The following MAPKAPK5 variants were observed in gnomAD, a reference collection of about 807,000 sequenced individuals.
The protein encoded by MAPKAPK5 is MAPK activated protein kinase 5.
A neutral mutation model predicts 65.1 loss-of-function variants in MAPKAPK5; 30 were observed. The ratio of observed to expected loss-of-function variants is 0.46; its 90% CI spans 0.34 to 0.63. The LOEUF (loss-of-function observed/expected upper bound fraction) is 0.63. MAPKAPK5 is among the 20% of genes least tolerant of loss of function. The pLI is 0.01. For synonymous variants in MAPKAPK5, 179 were observed against 204.6 expected, an observed-to-expected ratio of 0.87 and a Z score of 1.07; for missense variants, 433 against 581.4, an observed-to-expected ratio of 0.74 and a Z score of 2.63.
chr12:111,900,277 G>A lies in MAPKAPK5; in HGVS notation c.*7216G>A, dbSNP rs1173187057. 1 of 456,104 alleles carries A rather than the reference G, an allele frequency of 2.2e-6. No individual in the cohort carries two copies. Among genetic ancestry groups the A allele is most frequent in the East Asian group, 6.9e-5 (1 of 14,398 alleles). 28.3% of individuals were successfully genotyped at this position (456,104 alleles called of 1,614,324 possible). Reference sequence around the variant, plus strand: ...CAGAATATGGGCCAGGCCTTTCTCAGTGGTGCCTGCTCAAGCGGTTTTGCG... The same window carrying A: ...CAGAATATGGGCCAGGCCTTTCTCAATGGTGCCTGCTCAAGCGGTTTTGCG... On this transcript the variant is annotated 3_prime_UTR_variant, in exon 14 of 14. Coordinates refer to ENST00000550735, the MANE Select transcript of MAPKAPK5 (RefSeq NM_003668.4).
chr12:111,847,545 G>A (rs1305417136), intron 1 of MAPKAPK5, among the ~76,000 whole-genome samples: 3 of 152,082 alleles, frequency 2.0e-5, no homozygotes, highest in South Asian at 4.2e-4. Flanking sequence ...TATGTATAGC[G>A]AGTCGTTAAT....
chr12:111,887,814 TACACACACACACACACACACAC>T (rs58382752), intron 10 of MAPKAPK5: 1 of 144,984 alleles, frequency 6.9e-6, no homozygotes, highest in African/African-American at 2.6e-5. Flanking sequence ...TTTTCTGGGA[TACACACACACACACACACACAC>T]ACACACACAC....
intron 1 of MAPKAPK5, among the ~76,000 whole-genome samples, chr12:111,861,293 C>T (rs2069427889): frequency 6.6e-6 from 1 of 151,840 alleles, no homozygotes; most frequent in Admixed American, 6.6e-5. Flanking sequence ...TTAGAATCCC[C>T]TTTGTGTCAG....
At chr12:111,874,369 T>A (rs1376706675) in intron 7 of MAPKAPK5, among the ~76,000 whole-genome samples, 2 of 151,104 alleles carry the variant, frequency 1.3e-5, no homozygotes, top group Non-Finnish European at 2.9e-5. Flanking sequence ...CACTCCAGCC[T>A]GGGTGACTAG....
At chr12:111,851,206 CT>C (rs1224825445) in intron 1 of MAPKAPK5, among the ~76,000 whole-genome samples, 1 of 151,272 alleles carries the variant, frequency 6.6e-6, no homozygotes, top group African/African-American at 2.4e-5. Context: ...CCAGGACTGC[CT>C]TTTAAAGTTT....
intron 1 of MAPKAPK5, among the ~76,000 whole-genome samples, chr12:111,856,022 A>AT (rs2069228644): frequency 6.6e-6 from 1 of 151,160 alleles, no homozygotes; most frequent in Non-Finnish European, 1.5e-5. Context: ...TGCCTGGCTA[A>AT]TTTTGTACTT....
At position 111,895,240 on chromosome 12, in the gene MAPKAPK5, A is replaced by G; in HGVS notation, c.*2179A>G. On this transcript the variant is annotated 3_prime_UTR_variant, in exon 14 of 14. Coordinates refer to ENST00000550735, the MANE Select transcript of MAPKAPK5 (RefSeq NM_003668.4). ...GCCTCCTGAGTAGCTGGGACTATAC[A>G]GGTGCCCGCCACCGCGCCCGGCTAA... 6.6e-6 allele frequency: 1 copy of G among 151,084 alleles called. No homozygotes were observed. Among genetic ancestry groups the G allele is most frequent in the Non-Finnish European group, 1.5e-5 (1 of 67,860 alleles). The allele number at this position is 151,084 out of a possible 1,614,324, so 9.4% of individuals were successfully genotyped here.
chr12:111,861,813 A>G (rs2069447691), intron 1 of MAPKAPK5, among the ~76,000 whole-genome samples: 1 of 152,202 alleles, frequency 6.6e-6, no homozygotes, highest in African/African-American at 2.4e-5. Flanking sequence ...TTGTAGTGTG[A>G]AAGCAGCCAA....
rs770610477 is a variant in MAPKAPK5, at chr12:111,880,434, T to C, written c.580-13T>C. On this transcript the variant is annotated splice_polypyrimidine_tract_variant and intron_variant, in intron 7 of 13. Coordinates refer to ENST00000550735, the MANE Select transcript of MAPKAPK5 (RefSeq NM_003668.4). The stretch of plus-strand genomic sequence containing the variant: ...TTTCATTAAATGGTCCCCTTTGGTC[T>C]GACTCTTGACAGGTACTGGAGGCGC... 6 of 1,612,322 alleles carry C rather than the reference T, an allele frequency of 3.7e-6. No homozygotes were observed. Among genetic ancestry groups the C allele is most frequent in the Admixed American group, 1.7e-5 (1 of 60,014 alleles).
chr12:111,864,627 G>A (rs2136102888), intron 1 of MAPKAPK5, among the ~76,000 whole-genome samples: 1 of 152,302 alleles, frequency 6.6e-6, no homozygotes, highest in South Asian at 2.1e-4. Context: ...TCATTAAACT[G>A]TAGAGGCTCT....
chr12:111,868,544 AAGAATGGT>A (rs1329900415), intron 4 of MAPKAPK5, among the ~76,000 whole-genome samples: 1 of 152,206 alleles, frequency 6.6e-6, no homozygotes, highest in Non-Finnish European at 1.5e-5. Context: ...GCATATATGA[AAGAATGGT>A]AGCCAAAAAT....
Position 111,895,017 on chromosome 12 carries a change from T to C in MAPKAPK5, c.*1956T>C, listed in dbSNP as rs2070748220. On this transcript the variant is annotated 3_prime_UTR_variant, in exon 14 of 14. Coordinates refer to ENST00000550735, the MANE Select transcript of MAPKAPK5 (RefSeq NM_003668.4). ...AGGGTGACATTTGGTTAGTATGCCC[T>C]GTATGTGTGTGACTGCCTGTGGGAA... 6.6e-6 allele frequency: 1 copy of C among 151,946 alleles called. No individual in the cohort carries two copies. The highest frequency in any genetic ancestry group is 2.1e-4 in the South Asian group (1 of 4,820). The allele number at this position is 151,946 out of a possible 1,614,324, so 9.4% of individuals were successfully genotyped here. A position where few individuals can be genotyped will look rare whatever the true frequency, so the allele number is the denominator to read the frequency against.
chr12:111,894,581 A>G lies in MAPKAPK5; in HGVS notation c.*1520A>G, dbSNP rs2070731906. 6.6e-6 allele frequency: 1 copy of G among 151,260 alleles called. No individual in the cohort carries two copies. The highest frequency in any genetic ancestry group is 2.1e-4 in the South Asian group (1 of 4,766). The allele number at this position is 151,260 out of a possible 1,614,324, so 9.4% of individuals were successfully genotyped here. A position where few individuals can be genotyped will look rare whatever the true frequency, so the allele number is the denominator to read the frequency against. ...TTATAAGGCTGCCCTGTTTCTCTGT[A>G]ATATGTCTGTCTGGGTTTTGTGTTG... On this transcript the variant is annotated 3_prime_UTR_variant, in exon 14 of 14. Coordinates refer to ENST00000550735, the MANE Select transcript of MAPKAPK5 (RefSeq NM_003668.4).
In MAPKAPK5 at chr12:111,900,574, G is replaced by A; in HGVS notation, c.*7513G>A. ...GGCCGCAAGCGTAGGGATTCTGCCT[G>A]TGGAAATGGTGTGGTGGAGGACACG... On this transcript the variant is annotated 3_prime_UTR_variant, in exon 14 of 14. Transcript: ENST00000550735. 2.2e-6 allele frequency: 1 copy of A among 456,164 alleles called. No homozygotes were observed. Among genetic ancestry groups the A allele is most frequent in the South Asian group, 1.5e-5 (1 of 64,560 alleles). The allele number at this position is 456,164 out of a possible 1,614,324, so 28.3% of individuals were successfully genotyped here. A position where few individuals can be genotyped will look rare whatever the true frequency, so the allele number is the denominator to read the frequency against.
chr12:111,858,025 A>G (rs2069302751), intron 1 of MAPKAPK5, among the ~76,000 whole-genome samples: 2 of 151,990 alleles, frequency 1.3e-5, no homozygotes, highest in African/African-American at 2.4e-5. Context: ...CAGCCTACCC[A>G]GTAGCTGGGA....
chr12:111,885,785 C>G, intron 9 of MAPKAPK5, 131 bp from the exon 10 acceptor site: 2 of 1,123,300 alleles, frequency 1.8e-6, no homozygotes, highest in East Asian at 5.1e-5. Flanking sequence ...CCCATCTGTG[C>G]TCTGCAGGTG....
chr12:111,870,245 G>A (rs369790119), intron 5 of MAPKAPK5, 26 bp from the exon 6 acceptor site: 106 of 1,547,896 alleles, frequency 6.8e-5, no homozygotes, highest in Admixed American at 2.0e-4. Context: ...TCTAAGAAGC[G>A]ACTGTTTCAT....
chr12:111,855,206 A>G (rs2069195488), intron 1 of MAPKAPK5, among the ~76,000 whole-genome samples: 1 of 152,066 alleles, frequency 6.6e-6, no homozygotes, highest in African/African-American at 2.4e-5. Context: ...AACTTTGTTG[A>G]TCTTTTCAAA....
Position 111,888,480 on chromosome 12 carries a change from G to A in MAPKAPK5, c.970-8G>A. 6.2e-7 allele frequency: 1 copy of A among 1,612,616 alleles called. No individual in the cohort carries two copies. The highest frequency in any genetic ancestry group is 8.5e-7 in the Non-Finnish European group (1 of 1,179,474). On this transcript the variant is annotated splice_polypyrimidine_tract_variant and splice_region_variant and intron_variant, in intron 10 of 13. Coordinates refer to ENST00000550735, the MANE Select transcript of MAPKAPK5 (RefSeq NM_003668.4). The stretch of plus-strand genomic sequence containing the variant: ...ATATGAAAAACTGACGGCAGTGTTT[G>A]CATTCAGGCAGTGGTTGCAGGAATC...
Sources: allele counts gnomAD v4.1 joint callset (sites outside exome capture counted in the v4.1 genomes callset), GRCh38; gene constraint gnomAD v4.1.1; transcripts MANE v1.5; gene names NCBI Gene and HGNC (gene_info 2026-07-23, HGNC 2026-07-21).